MYO5C: variants seen among roughly 807,000 people sequenced by gnomAD.
MYO5C encodes the protein myosin VC.
MYO5C carries 194 observed loss-of-function variants against 235.7 expected under a neutral mutation model. The observed-to-expected ratio is 0.82, with a 90% CI of 0.73 to 0.93. The LOEUF is 0.93. MYO5C is among the 40% of genes least tolerant of loss of function. The pLI is 0.00. For synonymous variants in MYO5C, 707 were observed against 754.8 expected, an observed-to-expected ratio of 0.94 and a Z score of 1.04; for missense variants, 2,038 against 2,127.2, an observed-to-expected ratio of 0.96 and a Z score of 0.82.
At chr15:52,255,010 CAA>C (rs61685628) in intron 11 of MYO5C, among the ~76,000 whole-genome samples, 8,192 of 145,854 alleles carry the variant, frequency 0.056, 449 homozygotes, top group African/African-American at 0.14. Context: ...AATTCTGGGC[CAA>C]AAAAAAAAAA....
At chr15:52,241,911 G>C in intron 20 of MYO5C, 137 bp downstream of exon 20, 1 of 1,000,998 alleles carries the variant, frequency 1.0e-6, no homozygotes, top group Admixed American at 2.4e-5. Flanking sequence ...GCACCTGGAA[G>C]AATCTCCTTT....
chr15:52,246,917 T>A lies in MYO5C; in HGVS notation c.1979A>T (p.Glu660Val), dbSNP rs779820216. The change falls in exon 16 of 41, where the codon GAA becomes GTA. Residue 660 changes from glutamate to valine, a missense_variant and splice_region_variant. Coordinates refer to ENST00000261839, the MANE Select transcript of MYO5C (RefSeq NM_018728.4). Reference protein sequence around the residue: ...IKPNDEKLPFEFDSKRIVQQL... With the variant: ...IKPNDEKLPFVFDSKRIVQQL... ...CTGTGTGTTGCATAAGAACACTTACTCAAAGGGTAACTTCTCATCATTTGG... is the reference window on the plus strand; with the variant it reads ...CTGTGTGTTGCATAAGAACACTTACACAAAGGGTAACTTCTCATCATTTGG... 6.2e-7 allele frequency: 1 copy of A among 1,612,630 alleles called. No individual in the cohort carries two copies. Among genetic ancestry groups the A allele is most frequent in the South Asian group, 1.1e-5 (1 of 90,672 alleles).
chr15:52,195,250 G>T, intron 40 of MYO5C, 127 bp downstream of exon 40: 1 of 584,204 alleles, frequency 1.7e-6, no homozygotes. Context: ...TTTGAGCTGG[G>T]TGCCTTTCAT....
chr15:52,245,490 C>A (rs1435443727), intron 17 of MYO5C, 25 bp from the exon 18 acceptor site: 1 of 1,532,380 alleles, frequency 6.5e-7, no homozygotes, highest in East Asian at 2.2e-5. Flanking sequence ...GGGATCAAAG[C>A]CAGGAGTGTC....
rs1212355965 is a variant in MYO5C, at chr15:52,233,076, A to G, written c.2963-391T>C. ...GGGCGGATCACGAGGTCAGGAGATCAAGACCATCCCGGCTAAAACGGTGAA... is the reference window on the plus strand; with the variant it reads ...GGGCGGATCACGAGGTCAGGAGATCGAGACCATCCCGGCTAAAACGGTGAA... On this transcript the variant is annotated intron_variant, in intron 23 of 40. Coordinates refer to ENST00000261839, the MANE Select transcript of MYO5C (RefSeq NM_018728.4). Among the ~76,000 whole-genome samples the G allele has an allele frequency of 1.1e-3, 16 of 14,758 alleles. 7 individuals are homozygous for G. In the Non-Finnish European group the frequency reaches 0.012, roughly 11 times the overall value. 9.7% of individuals were successfully genotyped at this position (14,758 alleles called of 152,430 possible). A position where few individuals can be genotyped will look rare whatever the true frequency, so the allele number is the denominator to read the frequency against.
At chr15:52,222,892 G>T (rs188286197) in intron 29 of MYO5C, among the ~76,000 whole-genome samples, 4 of 152,102 alleles carry the variant, frequency 2.6e-5, no homozygotes, top group Admixed American at 2.6e-4. Flanking sequence ...GGCCGGGCAC[G>T]GTGGCTTATG....
chr15:52,227,636 C>A (rs952376070), intron 25 of MYO5C, among the ~76,000 whole-genome samples: 3 of 152,166 alleles, frequency 2.0e-5, no homozygotes. Context: ...CAGACCTCAG[C>A]CAGATGACAG....
rs74681283 is a variant in MYO5C at position 52,247,381 on chromosome 15, G to A, written c.1881+77C>T. On this transcript the variant is annotated intron_variant, in intron 15 of 40. Coordinates refer to ENST00000261839, the MANE Select transcript of MYO5C (RefSeq NM_018728.4). ...CTGTCCATGTCCAGGCCTGGAATGC[G>A]GGTCCTCTGAGTGCCCTGGCTCCCC... 3.8e-3 allele frequency: 5,680 copies of A among 1,504,526 alleles called. 41 individuals are homozygous for A. The highest frequency in any genetic ancestry group is 0.037 in the East Asian group (1,627 of 44,236). The allele number at this position is 1,504,526 out of a possible 1,614,324, so 93.2% of individuals were successfully genotyped here. A position where few individuals can be genotyped will look rare whatever the true frequency, so the allele number is the denominator to read the frequency against.
At chr15:52,267,579 G>A (rs1292481020) in intron 8 of MYO5C, among the ~76,000 whole-genome samples, 1 of 152,108 alleles carries the variant, frequency 6.6e-6, no homozygotes, top group African/African-American at 2.4e-5. Context: ...CCAGCTGCTC[G>A]GGAGGCTGAG....
Position 52,204,870 on chromosome 15 carries a change from C to A in MYO5C, c.4815G>T (p.Gln1605His). 1.9e-6 allele frequency: 3 copies of A among 1,613,908 alleles called. No homozygotes were observed. The highest frequency in any genetic ancestry group is 2.5e-6 in the Non-Finnish European group (3 of 1,179,930). ...CGGAGGTTTCTGGGTTTTACCTGAT[C>A]TGCATCCCTTTTCTGCAGGAGCACA... ...KDMCSCRKGMQIRCNISYLEE... is the reference protein window; with the variant it reads ...KDMCSCRKGMHIRCNISYLEE... The change falls in exon 38 of 41, where the codon CAG becomes CAT. Residue 1605 changes from glutamine (Q) to histidine (H), a missense_variant. Coordinates refer to ENST00000261839, the MANE Select transcript of MYO5C (RefSeq NM_018728.4).
chr15:52,231,841 C>G (rs116901382), intron 24 of MYO5C, among the ~76,000 whole-genome samples: 1 of 152,264 alleles, frequency 6.6e-6, no homozygotes, highest in East Asian at 1.9e-4. Context: ...AGATTGGAGT[C>G]CTTGGAGGTT....
Position 52,223,528 on chromosome 15 carries a change from C to G in MYO5C, c.3627+16G>C, listed in dbSNP as rs965001295. 1.2e-6 allele frequency: 2 copies of G among 1,606,442 alleles called. No homozygotes were observed. Among genetic ancestry groups the G allele is most frequent in the Admixed American group, 1.7e-5 (1 of 59,096 alleles). On this transcript the variant is annotated intron_variant, in intron 29 of 40. Coordinates refer to ENST00000261839, the MANE Select transcript of MYO5C (RefSeq NM_018728.4). ...AGTATGATGGCCACGACTGGGGCCC[C>G]TGGCTGAGACCATACCATGTTCTCT...
intron 9 of MYO5C, among the ~76,000 whole-genome samples, chr15:52,261,536 C>A (rs572474323): frequency 6.6e-6 from 1 of 152,338 alleles, no homozygotes; most frequent in East Asian, 1.9e-4. Flanking sequence ...TGCACTCACC[C>A]TGCCCCACCT....
Position 52,253,361 on chromosome 15 carries a change from C to T in MYO5C, c.1492G>A (p.Glu498Lys), listed in dbSNP as rs748984356. The T allele has an allele frequency of 6.2e-7, 1 of 1,612,196 alleles. No homozygotes were observed. ...YDNQPVIDLI[E>K]AKMGILELLD... ...AACTCCAGAATTCCCATTTTTGCTTCAATCAGGTCAATAACTGGTTGATTG... is the reference window on the plus strand; with the variant it reads ...AACTCCAGAATTCCCATTTTTGCTTTAATCAGGTCAATAACTGGTTGATTG... The change falls in exon 12 of 41, where the codon GAA becomes AAA. Residue 498 changes from glutamate (E) to lysine (K), a missense_variant. Transcript: ENST00000261839.
chr15:52,275,510 C>T, intron 5 of MYO5C, 52 bp downstream of exon 5: 1 of 1,608,670 alleles, frequency 6.2e-7, no homozygotes, highest in East Asian at 2.2e-5. Flanking sequence ...ACAAACCAAC[C>T]AACCCCCATT....
intron 36 of MYO5C, among the ~76,000 whole-genome samples, chr15:52,206,222 A>G (rs1328426951): frequency 6.6e-6 from 1 of 152,220 alleles, no homozygotes; most frequent in Non-Finnish European, 1.5e-5. Context: ...ACTAAATGGA[A>G]AAGCTCGTAG....
At chr15:52,282,383 T>A (rs543578053) in intron 2 of MYO5C, among the ~76,000 whole-genome samples, 16 of 152,338 alleles carry the variant, frequency 1.1e-4, no homozygotes, top group African/African-American at 3.4e-4. Context: ...TCTACCAGCG[T>A]ATGCCTTGGG....
At chr15:52,196,879 G>A (rs954791908) in intron 38 of MYO5C, among the ~76,000 whole-genome samples, 3 of 152,148 alleles carry the variant, frequency 2.0e-5, no homozygotes, top group South Asian at 4.1e-4. Flanking sequence ...GCTTTCGGTC[G>A]ACTGCAGTTT....
Position 52,204,884 on chromosome 15 carries a change from T to TGTA in MYO5C, c.4800_4801insTAC (p.Cys1600_Arg1601insTyr), listed in dbSNP as rs1200541308. On this transcript the variant is annotated inframe_insertion, in exon 38 of 41. Transcript: ENST00000261839. ...TTTTACCTGATCTGCATCCCTTTTC[T>TGTA]GCAGGAGCACATGTCCTTGCGCAGG... 1.2e-6 allele frequency: 2 copies of TGTA among 1,614,136 alleles called. No homozygotes were observed. Among genetic ancestry groups the TGTA allele is most frequent in the Non-Finnish European group, 1.7e-6 (2 of 1,179,996 alleles).
Sources: allele counts gnomAD v4.1 joint callset (sites outside exome capture counted in the v4.1 genomes callset), GRCh38; gene constraint gnomAD v4.1.1; transcripts MANE v1.5; gene names NCBI Gene and HGNC (gene_info 2026-07-23, HGNC 2026-07-21).